EPB41L4A: variants seen among roughly 807,000 people sequenced by gnomAD.
EPB41L4A encodes the protein erythrocyte membrane protein band 4.1 like 4A, also known as band 4.1-like protein 4A.
Under a neutral mutation model 108.6 loss-of-function variants are expected in EPB41L4A, and 100 were observed. The observed-to-expected ratio is 0.92, with a 90% confidence interval of 0.78 to 1.09. The LOEUF (loss-of-function observed/expected upper bound fraction) is 1.09. Ranked by LOEUF, EPB41L4A falls within the 50% of genes least tolerant of loss-of-function variation. The probability of loss-of-function intolerance (pLI) is 0.00; values close to 1 mark genes in which losing one functional copy is unlikely to be tolerated. For missense variants in EPB41L4A, 1,030 were observed against 842.7 expected (o/e 1.22, Z -2.75); for synonymous variants, 319 against 289.0 (o/e 1.10, Z -1.05).
intron 14 of EPB41L4A, among the ~76,000 whole-genome samples, chr5:112,204,822 A>C (rs1362991071): frequency 6.6e-6 from 1 of 152,238 alleles, no homozygotes; most frequent in Non-Finnish European, 1.5e-5. Context: ...TACATTCATT[A>C]TCTCAGCTAA....
chr5:112,297,553 T>C (rs1392531821), intron 2 of EPB41L4A, among the ~76,000 whole-genome samples: 3 of 152,172 alleles, frequency 2.0e-5, no homozygotes, highest in Non-Finnish European at 2.9e-5. Context: ...GATATATAGA[T>C]TGTGAAGATC....
chr5:112,198,914 AC>A (rs919598234), intron 15 of EPB41L4A, among the ~76,000 whole-genome samples: 4 of 151,916 alleles, frequency 2.6e-5, no homozygotes, highest in African/African-American at 9.7e-5. Flanking sequence ...AATGCCCCCA[AC>A]CCCACCCTAC....
intron 15 of EPB41L4A, among the ~76,000 whole-genome samples, chr5:112,198,994 C>T (rs1042284342): frequency 6.6e-6 from 1 of 152,128 alleles, no homozygotes; most frequent in African/African-American, 2.4e-5. Flanking sequence ...GCGTTCATGG[C>T]TCTCTCTTCC....
intron 1 of EPB41L4A, among the ~76,000 whole-genome samples, chr5:112,339,605 C>T (rs1367575115): frequency 6.6e-6 from 1 of 150,452 alleles, no homozygotes; most frequent in Non-Finnish European, 1.5e-5. Flanking sequence ...CTGATATCGG[C>T]TCACTGCAAC....
rs1206306946 is a variant in EPB41L4A, at chr5:112,197,574, CAT to C, written c.1377-1868_1377-1867del. ...GATACTTGCCTAAGTTTTCCATGTA[CAT>C]ATCACTTGCTTAGGGTTCTTTTGCT... On this transcript the variant is annotated intron_variant, in intron 15 of 22. Transcript: ENST00000261486. Among the ~76,000 whole-genome samples, 5 of 152,298 alleles carry C rather than the reference CAT, an allele frequency of 3.3e-5. No individual in the cohort carries two copies. The East Asian group carries it at 9.7e-4, about 29-fold the overall frequency.
chr5:112,329,255 A>C (rs908392153), intron 1 of EPB41L4A, among the ~76,000 whole-genome samples: 16 of 152,244 alleles, frequency 1.1e-4, no homozygotes, highest in African/African-American at 3.9e-4. Context: ...TATTAAAATC[A>C]TCCTTTTTAC....
chr5:112,399,073 C>T (rs546531535), intron 1 of EPB41L4A, among the ~76,000 whole-genome samples: 1 of 152,214 alleles, frequency 6.6e-6, no homozygotes, highest in South Asian at 2.1e-4. Flanking sequence ...ATCACCCTCG[C>T]CAAAATCAAA....
At position 112,259,277 on chromosome 5, in the gene EPB41L4A, C is replaced by T; in HGVS notation, c.747G>A (p.Lys249=). The stretch of plus-strand genomic sequence containing the variant: ...CAAATTGAGTCTCCTTGAAGTGAAC[C>T]TTTGTAATCCGAGGCCTAAAAAACA... ...VGKYFWPRIT[K]VHFKETQFEL... is the part of the protein sequence containing the mutation. The change falls in exon 9 of 23, where the codon AAG becomes AAA. Residue 249 remains lysine (K), a synonymous_variant. Coordinates refer to ENST00000261486, the MANE Select transcript of EPB41L4A (RefSeq NM_022140.5). The T allele has an allele frequency of 6.2e-7, 1 of 1,613,936 alleles. No individual in the cohort carries two copies. The highest frequency in any genetic ancestry group is 8.5e-7 in the Non-Finnish European group (1 of 1,179,852).
intron 2 of EPB41L4A, among the ~76,000 whole-genome samples, chr5:112,291,966 G>C (rs1212263501): frequency 6.6e-6 from 1 of 152,228 alleles, no homozygotes; most frequent in Non-Finnish European, 1.5e-5. Flanking sequence ...GCCTCGGCCA[G>C]GAGCAGTGGC....
At chr5:112,296,777 A>T (rs1754013554) in intron 2 of EPB41L4A, among the ~76,000 whole-genome samples, 1 of 151,840 alleles carries the variant, frequency 6.6e-6, no homozygotes, top group Non-Finnish European at 1.5e-5. Context: ...TTCCCTCCCG[A>T]GTCTCCAAAG....
chr5:112,161,456 A>G (rs771191410), downstream of EPB41L4A: 8 of 513,300 alleles, frequency 1.6e-5, no homozygotes, highest in African/African-American at 1.5e-4. Context: ...CAGCAACCTT[A>G]TGCCATAAAG....
chr5:112,217,069 C>A (rs953655177), intron 12 of EPB41L4A, among the ~76,000 whole-genome samples: 1 of 152,044 alleles, frequency 6.6e-6, no homozygotes, highest in East Asian at 1.9e-4. Flanking sequence ...CTCAGCCTCC[C>A]GAGTAGCTGG....
intron 1 of EPB41L4A, among the ~76,000 whole-genome samples, chr5:112,351,409 C>T (rs1383363193): frequency 6.6e-6 from 1 of 152,122 alleles, no homozygotes; most frequent in Admixed American, 6.5e-5. Flanking sequence ...CCCCCCAAGA[C>T]TGACGTACGA....
intron 12 of EPB41L4A, 85 bp from the exon 13 acceptor site, chr5:112,210,067 C>CA (rs1762662657): frequency 2.6e-6 from 2 of 778,558 alleles, no homozygotes; most frequent in Non-Finnish European, 4.2e-6. Flanking sequence ...TTTTAAAATG[C>CA]AATTTTAGGG....
chr5:112,241,586 A>T (rs554200899), intron 9 of EPB41L4A, among the ~76,000 whole-genome samples: 1 of 152,358 alleles, frequency 6.6e-6, no homozygotes, highest in African/African-American at 2.4e-5. Context: ...GCAATAGAGC[A>T]TAACAACTAT....
At chr5:112,321,209 G>A (rs1394647448) in intron 1 of EPB41L4A, among the ~76,000 whole-genome samples, 1 of 152,220 alleles carries the variant, frequency 6.6e-6, no homozygotes, top group African/African-American at 2.4e-5. Flanking sequence ...GATGTTGCCA[G>A]ATCAGGACTG....
intron 2 of EPB41L4A, among the ~76,000 whole-genome samples, chr5:112,290,393 G>A (rs1183637360): frequency 1.3e-5 from 2 of 152,088 alleles, no homozygotes; most frequent in Non-Finnish European, 2.9e-5. Context: ...GCATCTAATA[G>A]GCTGTTTCAA....
In EPB41L4A at chr5:112,148,717, C is replaced by T. The variant is rs189416224; in HGVS notation, n.995-2719G>A. Among the ~76,000 whole-genome samples the T allele has an allele frequency of 5.9e-5, 9 of 152,208 alleles. No individual in the cohort carries two copies. In the East Asian group the frequency reaches 1.5e-3, roughly 26 times the overall value. On this transcript the variant is annotated intron_variant and non_coding_transcript_variant, in intron 12 of 13. Transcript: ENST00000507810. ...AAATATTTTCACTTAGCCTTTCTAT[C>T]GTGATTTTTTCCATTTAATTTTTAA...
At position 112,374,597 on chromosome 5, in the gene EPB41L4A, C is replaced by T. The variant is rs75307047; in HGVS notation, c.99+44344G>A. ...GCATCTTAATACAGTTCCAAAGTTA[C>T]CCCAGCAAAAGAACTCTGTGAACGC... On this transcript the variant is annotated intron_variant, in intron 1 of 22. Transcript: ENST00000261486. Among the ~76,000 whole-genome samples the T allele has an allele frequency of 7.6e-3, 1,160 of 152,276 alleles. 21 individuals carry two copies. The highest frequency in any genetic ancestry group is 0.026 in the African/African-American group (1,087 of 41,554).
Sources: allele counts gnomAD v4.1 joint callset (sites outside exome capture counted in the v4.1 genomes callset), GRCh38; gene constraint gnomAD v4.1.1; transcripts MANE v1.5; gene names NCBI Gene and HGNC (gene_info 2026-07-23, HGNC 2026-07-21).